The following PLEKHG3 variants were observed in gnomAD, a reference collection of about 807,000 sequenced individuals.
PLEKHG3 encodes the protein pleckstrin homology and RhoGEF domain containing G3.
In PLEKHG3, 62 loss-of-function variants were observed where a neutral mutation model predicts 94.9. The observed-to-expected ratio is 0.65, with a 90% confidence interval of 0.53 to 0.81. The LOEUF is 0.81. Ranked by LOEUF, PLEKHG3 falls within the 30% of genes least tolerant of loss-of-function variation. The probability of loss-of-function intolerance (pLI) is 0.00; values close to 1 mark genes in which losing one functional copy is unlikely to be tolerated. For missense variants in PLEKHG3, 1,461 were observed against 1,619.3 expected (o/e 0.90, Z 1.68); for synonymous variants, 614 against 654.0 (o/e 0.94, Z 0.93).
chr14:64,727,816 A>G lies in PLEKHG3; in HGVS notation c.185A>G (p.Asn62Ser). The G allele has an allele frequency of 1.2e-6, 2 of 1,612,350 alleles. No individual in the cohort carries two copies. Among genetic ancestry groups the G allele is most frequent in the Non-Finnish European group, 1.7e-6 (2 of 1,178,802 alleles). The change falls in exon 2 of 17, where the codon AAC becomes AGC. Residue 62 changes from asparagine to serine, a missense_variant. Physicochemically the swap from Asn to Ser is conservative, Grantham distance 46 (BLOSUM62 1). Coordinates refer to ENST00000247226, the MANE Select transcript of PLEKHG3 (RefSeq NM_001308147.2). The surrounding 1 kb of genome is among the most constrained non-coding windows in gnomAD (Gnocchi z 6.0). ...AGAAGCCGGCATCTGCCCAACAGCA[A>G]CAACAACTCCAGCAGCTGGTTGAAC... Reference protein sequence around the residue: ...SLRSRHLPNSNNNSSSWLNVK... With the variant: ...SLRSRHLPNSSNNSSSWLNVK...
chr14:64,724,229 TG>T (rs1320272625), intron 1 of PLEKHG3, among the ~76,000 whole-genome samples: 2 of 151,998 alleles, frequency 1.3e-5, no homozygotes, highest in East Asian at 3.9e-4. Flanking sequence ...TCCAGCTGAG[TG>T]CAGTGCACTC....
intron 12 of PLEKHG3, 34 bp from the exon 13 acceptor site, chr14:64,736,819 C>T: frequency 1.3e-6 from 2 of 1,575,076 alleles, no homozygotes; most frequent in Non-Finnish European, 1.7e-6. Context: ...AGTTTCCTGG[C>T]CCGCGCTGAC....
Position 64,731,485 on chromosome 14 carries a change from A to C in PLEKHG3, c.974A>C (p.Lys325Thr). 1 of 1,614,096 alleles carries C rather than the reference A, an allele frequency of 6.2e-7. No individual in the cohort carries two copies. The highest frequency in any genetic ancestry group is 8.5e-7 in the Non-Finnish European group (1 of 1,180,026). Residue 325 changes from lysine to threonine, a missense_variant, in exon 8 of 17, where the codon AAA becomes ACA. This residue lies in a region of PLEKHG3 where 1,201 missense variants were observed against 1,295.5 expected (regional missense o/e 0.93). Coordinates refer to ENST00000247226, the MANE Select transcript of PLEKHG3 (RefSeq NM_001308147.2). The surrounding 1 kb of genome is among the most constrained non-coding windows in gnomAD (Gnocchi z 6.1). ...GAAAGGACCTTTTTCCTCTTTGACA[A>C]AACACTGCTTATCACCAAGAAGCGG... ...RNERTFFLFDKTLLITKKRGD... is the reference protein window; with the variant it reads ...RNERTFFLFDTTLLITKKRGD...
chr14:64,749,154 G>T lies in PLEKHG3; in HGVS notation c.*5451G>T, dbSNP rs1017313849. On this transcript the variant is annotated 3_prime_UTR_variant, in exon 17 of 17. Coordinates refer to ENST00000247226, the MANE Select transcript of PLEKHG3 (RefSeq NM_001308147.2). The surrounding 1 kb of genome is among the most constrained non-coding windows in gnomAD (Gnocchi z 4.7). ...GTCGGCCCAGGACACGCGGGCGAAG[G>T]CAGCTTTTGCAGTGCAGCGTGGGGC... The T allele has an allele frequency of 6.8e-6, 6 of 876,316 alleles. No individual in the cohort carries two copies. Among genetic ancestry groups the T allele is most frequent in the Admixed American group, 2.8e-5 (1 of 35,674 alleles). 54.3% of individuals were successfully genotyped at this position (876,316 alleles called of 1,614,324 possible). A position where few individuals can be genotyped will look rare whatever the true frequency, so the allele number is the denominator to read the frequency against.
chr14:64,706,277 A>G (rs978350435), intron 1 of PLEKHG3, among the ~76,000 whole-genome samples: 16 of 152,122 alleles, frequency 1.1e-4, no homozygotes, highest in Admixed American at 7.9e-4. Context: ...AGCCTACTTC[A>G]TTTACTCGTG....
chr14:64,737,936 A>T (rs1022868840), intron 14 of PLEKHG3: 16 of 1,223,022 alleles, frequency 1.3e-5, no homozygotes, highest in Admixed American at 6.1e-5. Context: ...CAGAGGCTGA[A>T]GGGGCTACCC....
chr14:64,704,943 T>C lies in PLEKHG3; in HGVS notation c.-40+239T>C, dbSNP rs1295490897. 6.6e-6 allele frequency among the ~76,000 whole-genome samples: 1 copy of C among 152,132 alleles called. No individual in the cohort carries two copies. The highest frequency in any genetic ancestry group is 2.4e-5 in the African/African-American group (1 of 41,448). On this transcript the variant is annotated intron_variant, in intron 1 of 16. Transcript: ENST00000247226. The surrounding 1 kb of genome is among the most constrained non-coding windows in gnomAD (Gnocchi z 5.6). ...ATGGGGAGACTTTTTCTGTCTTTTT[T>C]TCCCTCCACTCCGGAAACAAAAGGG...
Position 64,722,277 on chromosome 14 carries a change from C to G in PLEKHG3, c.-39-5316C>G, listed in dbSNP as rs2081275442. On this transcript the variant is annotated intron_variant, in intron 1 of 16. Coordinates refer to ENST00000247226, the MANE Select transcript of PLEKHG3 (RefSeq NM_001308147.2). This position sits in a 1 kb window ranked among gnomAD's most constrained non-coding sequence, Gnocchi z 4.3. ...TTGCCTAGGCTGGAGTGCAGTGGTG[C>G]GATCTCAGCTCACTGCAACCTCCTG... 1.3e-5 allele frequency among the ~76,000 whole-genome samples: 2 copies of G among 152,086 alleles called. No individual in the cohort carries two copies. Among genetic ancestry groups the G allele is most frequent in the African/African-American group, 4.8e-5 (2 of 41,412 alleles).
At position 64,725,425 on chromosome 14, in the gene PLEKHG3, AC is replaced by A. The variant is rs2081332908; in HGVS notation, c.-39-2167del. 6.6e-6 allele frequency among the ~76,000 whole-genome samples: 1 copy of A among 152,248 alleles called. No homozygotes were observed. The highest frequency in any genetic ancestry group is 2.1e-4 in the South Asian group (1 of 4,820). ...GCCTGACTGCAGTGCACTTTGAAGG[AC>A]ATCAGAGTGCCACAGGGCTGGGGGT... On this transcript the variant is annotated intron_variant, in intron 1 of 16. Transcript: ENST00000247226. This position sits in a 1 kb window ranked among gnomAD's most constrained non-coding sequence, Gnocchi z 5.0.
chr14:64,742,589 A>T, intron 16 of PLEKHG3, 134 bp downstream of exon 16: 4 of 681,454 alleles, frequency 5.9e-6, no homozygotes, highest in Non-Finnish European at 9.7e-6. Context: ...CCTGGGCACT[A>T]AGGGCACAGG....
chr14:64,736,756 G>C, intron 12 of PLEKHG3, 97 bp from the exon 13 acceptor site: 1 of 897,544 alleles, frequency 1.1e-6, no homozygotes, highest in East Asian at 2.4e-5. Flanking sequence ...AGTGGACTTT[G>C]AGCTGGTGAT....
rs1406165596 is a variant in PLEKHG3 at position 64,749,287 on chromosome 14, C to T, written c.*5584C>T. 8.3e-6 allele frequency: 13 copies of T among 1,564,926 alleles called. No individual in the cohort carries two copies. Among genetic ancestry groups the T allele is most frequent in the South Asian group, 1.2e-5 (1 of 86,518 alleles). The stretch of plus-strand genomic sequence containing the variant: ...GTCTCTGCGCGTCCCGACTCCGCCG[C>T]GCCCGCCAGCCCCACCTGCTACTTC... On this transcript the variant is annotated 3_prime_UTR_variant, in exon 17 of 17. Transcript: ENST00000247226. The surrounding 1 kb of genome is among the most constrained non-coding windows in gnomAD (Gnocchi z 4.7).
chr14:64,711,268 CCT>C lies in PLEKHG3; in HGVS notation c.-40+6571_-40+6572del, dbSNP rs2081062427. Reference sequence around the variant, plus strand: ...CTTGCAAATGCTGCTTTTTGGATGCCCTCTCTCTACAGAGGTTCCAGCTGGCC... The same window carrying C: ...CTTGCAAATGCTGCTTTTTGGATGCCCTCTCTACAGAGGTTCCAGCTGGCC... On this transcript the variant is annotated intron_variant, in intron 1 of 16. Transcript: ENST00000247226. 2.0e-5 allele frequency among the ~76,000 whole-genome samples: 3 copies of C among 152,226 alleles called. No homozygotes were observed. The South Asian group carries it at 6.2e-4, about 32-fold the overall frequency.
At position 64,741,598 on chromosome 14, in the gene PLEKHG3, C is replaced by G. The variant is rs139265100; in HGVS notation, c.2081C>G (p.Pro694Arg). 114 of 1,612,906 alleles carry G rather than the reference C, an allele frequency of 7.1e-5. No homozygotes were observed. Among genetic ancestry groups the G allele is most frequent in the Non-Finnish European group, 8.9e-5 (105 of 1,180,040 alleles). Residue 694 changes from proline (P) to arginine (R), a missense_variant, in exon 16 of 17, where the codon CCA (proline) becomes CGA (arginine). Physicochemically the swap from Pro to Arg is moderately radical, Grantham distance 103. Around this residue, in one of 3 missense-constraint regions of PLEKHG3, gnomAD observed 1,201 missense variants for 1,295.5 expected, o/e 0.93. Coordinates refer to ENST00000247226, the MANE Select transcript of PLEKHG3 (RefSeq NM_001308147.2). The part of the protein sequence containing the change: ...NGMEPPSPGC[P>R]VEPDRSSCKK... ...ATGGAGCCCCCAAGCCCAGGCTGCC[C>G]AGTGGAGCCTGACCGGTCTTCCTGC... is the stretch of plus-strand genomic sequence containing the variant.
rs1211041891 is a variant in PLEKHG3, at chr14:64,743,547, C to G, written c.3504C>G (p.Ser1168Arg). ...AGGAGAGCAGTGGCCAGGGACCAAG[C>G]TCACCGGTGGCCCTGCTGGGGCAGG... ...GLEESSGQGP[S>R]SPVALLGQVQ... is the part of the protein sequence containing the mutation. The change falls in exon 17 of 17, where the codon AGC (serine) becomes AGG (arginine). Residue 1168 changes from serine (S) to arginine (R), a missense_variant. Around this residue, in one of 3 missense-constraint regions of PLEKHG3, gnomAD observed 1,201 missense variants for 1,295.5 expected, o/e 0.93. Transcript: ENST00000247226. This position sits in a 1 kb window ranked among gnomAD's most constrained non-coding sequence, Gnocchi z 7.2. 2.5e-6 allele frequency: 4 copies of G among 1,612,884 alleles called. No homozygotes were observed. Among genetic ancestry groups the G allele is most frequent in the Non-Finnish European group, 2.5e-6 (3 of 1,179,938 alleles).
rs1476568072 is a variant in PLEKHG3 at position 64,749,112 on chromosome 14, G to A, written c.*5409G>A. ...TCCCTGGAGCGGAGCCAGCGCGGGC[G>A]AGGGCATGGAGGGGGCGTCGGCCCA... On this transcript the variant is annotated 3_prime_UTR_variant, in exon 17 of 17. Transcript: ENST00000247226. This position sits in a 1 kb window ranked among gnomAD's most constrained non-coding sequence, Gnocchi z 4.7. 4 of 571,796 alleles carry A rather than the reference G, an allele frequency of 7.0e-6. No individual in the cohort carries two copies. The highest frequency in any genetic ancestry group is 1.2e-5 in the Non-Finnish European group (4 of 342,866). The allele number at this position is 571,796 out of a possible 1,614,324, so 35.4% of individuals were successfully genotyped here.
At position 64,730,205 on chromosome 14, in the gene PLEKHG3, A is replaced by G. The variant is rs948606174; in HGVS notation, c.450-38A>G. 3 of 1,197,974 alleles carry G rather than the reference A, an allele frequency of 2.5e-6. No homozygotes were observed. In the South Asian group the frequency reaches 3.9e-5, roughly 15 times the overall value. 74.2% of individuals were successfully genotyped at this position (1,197,974 alleles called of 1,614,324 possible). ...GGGCAGTGAGGGGCATTGTCCTCTGACTGCAGAGGGTACAGTGGCTGCTCT... is the reference window on the plus strand; with the variant it reads ...GGGCAGTGAGGGGCATTGTCCTCTGGCTGCAGAGGGTACAGTGGCTGCTCT... On this transcript the variant is annotated intron_variant, in intron 3 of 16. Transcript: ENST00000247226. This position sits in a 1 kb window ranked among gnomAD's most constrained non-coding sequence, Gnocchi z 5.4.
chr14:64,715,271 CCTT>C lies in PLEKHG3; in HGVS notation c.-40+10571_-40+10573del, dbSNP rs1474662044. ...TCCTATGAGGTAGGGTGAGAGATGG[CCTT>C]CTTGGCTTCGTCTCTCGGGCCATGT... is the stretch of plus-strand genomic sequence containing the variant. On this transcript the variant is annotated intron_variant, in intron 1 of 16. Transcript: ENST00000247226. This position sits in a 1 kb window ranked among gnomAD's most constrained non-coding sequence, Gnocchi z 4.4. Among the ~76,000 whole-genome samples, 9 of 152,214 alleles carry C rather than the reference CCTT, an allele frequency of 5.9e-5. No homozygotes were observed. The highest frequency in any genetic ancestry group is 2.2e-4 in the African/African-American group (9 of 41,510).
At position 64,747,488 on chromosome 14, in the gene PLEKHG3, G is replaced by A. The variant is rs1421829584; in HGVS notation, c.*3785G>A. 1 of 152,652 alleles carries A rather than the reference G, an allele frequency of 6.6e-6. No homozygotes were observed. Among genetic ancestry groups the A allele is most frequent in the African/African-American group, 2.4e-5 (1 of 41,444 alleles). 9.5% of individuals were successfully genotyped at this position (152,652 alleles called of 1,614,324 possible). ...AAATGAAGACCTTGCTCACCAGGGC[G>A]GGAACCTGGGGATGTCAGGCTCCAT... On this transcript the variant is annotated 3_prime_UTR_variant, in exon 17 of 17. Coordinates refer to ENST00000247226, the MANE Select transcript of PLEKHG3 (RefSeq NM_001308147.2).
Sources: allele counts gnomAD v4.1 joint callset (sites outside exome capture counted in the v4.1 genomes callset), GRCh38; gene constraint gnomAD v4.1.1; regional missense constraint gnomAD v4.1.1; non-coding constraint Gnocchi (gnomAD v3.1); transcripts MANE v1.5; gene names NCBI Gene and HGNC (gene_info 2026-07-23, HGNC 2026-07-21).